The following FBXL7 variants were observed in gnomAD, a reference collection of about 807,000 sequenced individuals.
FBXL7 encodes F-box/LRR-repeat protein 7.
FBXL7 carries 12 observed loss-of-function variants against 38.3 expected under a neutral mutation model. That is an observed-to-expected ratio of 0.31 (90% CI 0.20 to 0.51). The LOEUF (loss-of-function observed/expected upper bound fraction) is 0.51. Ranked by LOEUF, FBXL7 falls within the 20% of genes least tolerant of loss-of-function variation. The probability of loss-of-function intolerance (pLI) is 0.98; values close to 1 mark genes in which losing one functional copy is unlikely to be tolerated. For missense variants in FBXL7, 567 were observed against 676.4 expected, an observed-to-expected ratio of 0.84 and a Z score of 1.79; for synonymous variants, 297 against 300.9, an observed-to-expected ratio of 0.99 and a Z score of 0.13.
intron 2 of FBXL7, among the ~76,000 whole-genome samples, chr5:15,646,254 GTATGATCCTGACAA>G (rs1340917926): frequency 6.6e-6 from 1 of 152,170 alleles, no homozygotes. Flanking sequence ...CTAGTTTCCA[GTATGATCCTGACAA>G]TATCCTAATG....
chr5:15,875,631 C>T (rs971446385), intron 2 of FBXL7, among the ~76,000 whole-genome samples: 12 of 152,114 alleles, frequency 7.9e-5, no homozygotes, highest in East Asian at 3.9e-4. Flanking sequence ...GACATTTATA[C>T]GGCCAGCAAA....
At chr5:15,695,812 G>A (rs1336071579) in intron 2 of FBXL7, among the ~76,000 whole-genome samples, 17 of 152,152 alleles carry the variant, frequency 1.1e-4, no homozygotes, top group Admixed American at 1.1e-3. Flanking sequence ...TCTGAATCCA[G>A]AGATCAAGCT....
intron 2 of FBXL7, among the ~76,000 whole-genome samples, chr5:15,872,549 A>G (rs1740012479): frequency 6.6e-6 from 1 of 152,198 alleles, no homozygotes; most frequent in African/African-American, 2.4e-5. Flanking sequence ...CTCATGTGCA[A>G]AGACACACAT....
intron 1 of FBXL7, among the ~76,000 whole-genome samples, chr5:15,518,976 G>A (rs1400934865): frequency 1.3e-5 from 2 of 152,128 alleles, no homozygotes; most frequent in Non-Finnish European, 2.9e-5. Context: ...TTGCAGTCCG[G>A]TGAGGAGGCC....
chr5:15,929,744 A>G (rs62348107), intron 3 of FBXL7, among the ~76,000 whole-genome samples: 8,040 of 152,186 alleles, frequency 0.053, 700 homozygotes, highest in African/African-American at 0.18. Flanking sequence ...GCCAGACATG[A>G]TCTGCCTGGA....
chr5:15,845,516 T>A (rs1738869553), intron 2 of FBXL7, among the ~76,000 whole-genome samples: 1 of 152,128 alleles, frequency 6.6e-6, no homozygotes, highest in South Asian at 2.1e-4. Context: ...AAGGAGCTCA[T>A]ATTGCTAAAT....
chr5:15,857,871 A>G (rs148508696), intron 2 of FBXL7, among the ~76,000 whole-genome samples: 1 of 152,110 alleles, frequency 6.6e-6, no homozygotes, highest in African/African-American at 2.4e-5. Context: ...TGTAAATGCT[A>G]CAGCATCTGG....
At chr5:15,620,357 C>T (rs940767157) in intron 2 of FBXL7, among the ~76,000 whole-genome samples, 9 of 150,510 alleles carry the variant, frequency 6.0e-5, no homozygotes, top group Non-Finnish European at 1.3e-4. Context: ...CTCAGCCTCC[C>T]GAGTAGCTGG....
intron 3 of FBXL7, among the ~76,000 whole-genome samples, chr5:15,929,251 A>G (rs1741975463): frequency 6.6e-6 from 1 of 152,228 alleles, no homozygotes; most frequent in South Asian, 2.1e-4. Flanking sequence ...TTAATCCTGC[A>G]TCTTTTCTCA....
At chr5:15,852,563 A>G (rs1227502371) in intron 2 of FBXL7, among the ~76,000 whole-genome samples, 1 of 152,192 alleles carries the variant, frequency 6.6e-6, no homozygotes, top group Non-Finnish European at 1.5e-5. Context: ...TGAAAACTAT[A>G]ATAGAATACC....
intron 1 of FBXL7, among the ~76,000 whole-genome samples, chr5:15,504,011 C>T (rs1348854878): frequency 6.6e-6 from 1 of 152,244 alleles, no homozygotes; most frequent in Non-Finnish European, 1.5e-5. Context: ...AGGCCTCCAA[C>T]TCAGTGTATT....
intron 2 of FBXL7, among the ~76,000 whole-genome samples, chr5:15,867,045 T>C (rs1739747309): frequency 1.3e-5 from 2 of 152,132 alleles, no homozygotes; most frequent in Non-Finnish European, 2.9e-5. Context: ...AGAGCAGCGC[T>C]TTTTTTCCAC....
chr5:15,568,511 T>G (rs1321826666), intron 1 of FBXL7, among the ~76,000 whole-genome samples: 20 of 152,020 alleles, frequency 1.3e-4, no homozygotes, highest in African/African-American at 4.6e-4. Context: ...ATGAGTAGAT[T>G]GCAAAAATTT....
At chr5:15,651,448 T>A (rs1006852290) in intron 2 of FBXL7, among the ~76,000 whole-genome samples, 2 of 152,144 alleles carry the variant, frequency 1.3e-5, no homozygotes, top group Non-Finnish European at 2.9e-5. Context: ...ATTAGTGGGC[T>A]ATTGGATGGA....
rs1200209794 is a variant in FBXL7 at position 15,930,232 on chromosome 5, ATGT to A, written c.739+1735_739+1737del. On this transcript the variant is annotated intron_variant, in intron 3 of 3. Coordinates refer to ENST00000504595, the MANE Select transcript of FBXL7 (RefSeq NM_012304.5). The stretch of plus-strand genomic sequence containing the variant: ...CTCCAAGGAATTCTGGAAAGAGAAA[ATGT>A]TGTGATGTGGTGGAAACAAGTTTCA... Among the ~76,000 whole-genome samples, 8 of 152,302 alleles carry A rather than the reference ATGT, an allele frequency of 5.3e-5. No individual in the cohort carries two copies. The South Asian group carries it at 1.2e-3, about 24-fold the overall frequency.
At chr5:15,566,173 T>G (rs1284824487) in intron 1 of FBXL7, among the ~76,000 whole-genome samples, 1 of 152,108 alleles carries the variant, frequency 6.6e-6, no homozygotes, top group African/African-American at 2.4e-5. Context: ...CTTTAGAGAT[T>G]AGACACTTTT....
At chr5:15,537,293 A>G (rs1737614435) in intron 1 of FBXL7, among the ~76,000 whole-genome samples, 1 of 152,124 alleles carries the variant, frequency 6.6e-6, no homozygotes, top group Admixed American at 6.5e-5. Context: ...CTTATTTTCC[A>G]TCTGTATATC....
chr5:15,693,891 A>G (rs115856004), intron 2 of FBXL7, among the ~76,000 whole-genome samples: 2,719 of 152,232 alleles, frequency 0.018, 29 homozygotes, highest in Non-Finnish European at 0.028. Flanking sequence ...CCACCATTCA[A>G]TAAAACCTTG....
intron 1 of FBXL7, among the ~76,000 whole-genome samples, chr5:15,583,419 G>C (rs2402167): frequency 0.57 from 87,149 of 152,076 alleles, 26,437 homozygotes; most frequent in African/African-American, 0.77. Flanking sequence ...TCATCTGAGA[G>C]AAGGAAAGTG....
Sources: allele counts gnomAD v4.1 joint callset (sites outside exome capture counted in the v4.1 genomes callset), GRCh38; gene constraint gnomAD v4.1.1; transcripts MANE v1.5; gene names NCBI Gene and HGNC (gene_info 2026-07-23, HGNC 2026-07-21).